The following PLAAT3 variants were observed in gnomAD, a reference collection of about 807,000 sequenced individuals.
PLAAT3 encodes the protein Ca-independent phospholipase A1/2.
In PLAAT3, 21 loss-of-function variants were observed where a neutral mutation model predicts 16.7. The observed-to-expected ratio is 1.26, with a 90% CI of 0.89 to 1.81. The LOEUF is 1.81. Among genes scored for constraint, PLAAT3 ranks in the 40% most tolerant of loss-of-function variants. The probability of loss-of-function intolerance (pLI) is 0.00; values close to 1 mark genes in which losing one functional copy is unlikely to be tolerated. For synonymous variants in PLAAT3, 76 were observed against 81.7 expected, an observed-to-expected ratio of 0.93 and a Z score of 0.38; for missense variants, 219 against 213.7, an observed-to-expected ratio of 1.02 and a Z score of -0.16.
intron 2 of PLAAT3, among the ~76,000 whole-genome samples, chr11:63,599,504 G>GTCGAAGGCGGT (rs1245922418): frequency 1.3e-5 from 2 of 152,204 alleles, no homozygotes; most frequent in Non-Finnish European, 2.9e-5. Context: ...ATGAAGGCGG[G>GTCGAAGGCGGT]TCAAAGGCCA....
chr11:63,615,328 A>G (rs1172045366), upstream of PLAAT3, among the ~76,000 whole-genome samples: 8 of 11,548 alleles, frequency 6.9e-4, 3 homozygotes, highest in African/African-American at 8.6e-4. Flanking sequence ...ATATGTGTGT[A>G]TATATGTGTG....
chr11:63,611,711 A>T (rs1565258143), intron 2 of PLAAT3, among the ~76,000 whole-genome samples: 1 of 152,344 alleles, frequency 6.6e-6, no homozygotes, highest in East Asian at 1.9e-4. Context: ...TAAAAGAATG[A>T]TGTTTGAAAG....
intron 3 of PLAAT3, among the ~76,000 whole-genome samples, chr11:63,593,029 G>T (rs1938190782): frequency 6.6e-6 from 1 of 152,102 alleles, no homozygotes; most frequent in Admixed American, 6.6e-5. Flanking sequence ...CCGGGTGCTT[G>T]TCATGCCTTC....
intron 2 of PLAAT3, among the ~76,000 whole-genome samples, chr11:63,613,238 C>T (rs945945454): frequency 7.9e-5 from 12 of 151,934 alleles, no homozygotes; most frequent in Non-Finnish European, 1.6e-4. Context: ...GGTGAAACCC[C>T]GTCTCCACTA....
intron 4 of PLAAT3, 151 bp from the exon 5 acceptor site, chr11:63,575,197 G>A (rs1555041560): frequency 5.0e-6 from 3 of 597,244 alleles, no homozygotes; most frequent in Non-Finnish European, 6.0e-6. Flanking sequence ...TAGGGAAGAG[G>A]GGAGGAGAGG....
intron 2 of PLAAT3, among the ~76,000 whole-genome samples, chr11:63,611,020 C>T (rs892490345): frequency 2.0e-5 from 3 of 152,110 alleles, no homozygotes; most frequent in Admixed American, 2.0e-4. Flanking sequence ...CAAAAGCCCA[C>T]AGTGGGGAGG....
chr11:63,601,977 T>G (rs1389553747), intron 2 of PLAAT3, among the ~76,000 whole-genome samples: 3 of 34,058 alleles, frequency 8.8e-5, no homozygotes, highest in Admixed American at 4.3e-4. Context: ...CGAAACTCTG[T>G]CTCAAAAAAA....
At chr11:63,598,563 A>G in intron 2 of PLAAT3, 1 of 372,696 alleles carries the variant, frequency 2.7e-6, no homozygotes, top group Non-Finnish European at 5.4e-6. Context: ...GAGGAAATCA[A>G]GGCCTAGAAA....
At chr11:63,615,172 G>GTATATATATGTGTGTATATGTGTA (rs1407082578), upstream of PLAAT3, among the ~76,000 whole-genome samples, 1 of 18,314 alleles carries the variant, frequency 5.5e-5, no homozygotes, top group African/African-American at 1.3e-4. Flanking sequence ...ATATATGTGT[G>GTATATATATGTGTGTATATGTGTA]TATATGTGTG....
chr11:63,612,947 G>A (rs1239056823), intron 2 of PLAAT3, among the ~76,000 whole-genome samples: 2 of 152,202 alleles, frequency 1.3e-5, no homozygotes, highest in East Asian at 3.8e-4. Flanking sequence ...GATAGAGAAT[G>A]ATATTAAAAA....
At chr11:63,577,642 GA>G (rs1199556842) in intron 4 of PLAAT3, among the ~76,000 whole-genome samples, 3 of 152,108 alleles carry the variant, frequency 2.0e-5, no homozygotes, top group Non-Finnish European at 4.4e-5. Context: ...TTTTGGCTAA[GA>G]TCAAGTATAA....
chr11:63,610,608 T>C (rs1938668805), intron 2 of PLAAT3, among the ~76,000 whole-genome samples: 1 of 152,076 alleles, frequency 6.6e-6, no homozygotes, highest in Non-Finnish European at 1.5e-5. Context: ...CTTCTCTTCT[T>C]CTCTCCCCTC....
At position 63,595,292 on chromosome 11, in the gene PLAAT3, GAA is replaced by G. The variant is rs59751911; in HGVS notation, c.118+2767_118+2768del. 4.3e-3 allele frequency among the ~76,000 whole-genome samples: 382 copies of G among 88,384 alleles called. 1 individual carries two copies. The highest frequency in any genetic ancestry group is 0.018 in the African/African-American group (348 of 19,588). The allele number at this position is 88,384 out of a possible 152,430, so 58.0% of individuals were successfully genotyped here. On this transcript the variant is annotated intron_variant, in intron 3 of 4. Transcript: ENST00000415826. ...GGCCACAGAGCAAGACTCCGTCTCG[GAA>G]AAAAAAAAAAAAAAAAAAGAGTGTC... is the stretch of plus-strand genomic sequence containing the variant.
intron 2 of PLAAT3, 89 bp downstream of exon 2, chr11:63,613,911 C>A: frequency 1.2e-6 from 1 of 828,180 alleles, no homozygotes; most frequent in Non-Finnish European, 2.0e-6. Context: ...GCTCCTCTCT[C>A]GGAAGCAGTA....
At chr11:63,606,210 C>T (rs1447583667) in intron 2 of PLAAT3, among the ~76,000 whole-genome samples, 1 of 152,116 alleles carries the variant, frequency 6.6e-6, no homozygotes, top group African/African-American at 2.4e-5. Flanking sequence ...GCTGTGCGCC[C>T]GGCACCAATC....
chr11:63,580,687 T>C (rs1247678086), intron 4 of PLAAT3, among the ~76,000 whole-genome samples: 1 of 152,032 alleles, frequency 6.6e-6, no homozygotes, highest in Non-Finnish European at 1.5e-5. Context: ...GAAATTATCC[T>C]AGATTATTCA....
intron 3 of PLAAT3, among the ~76,000 whole-genome samples, chr11:63,590,683 T>C (rs1437541106): frequency 1.3e-5 from 2 of 152,202 alleles, no homozygotes; most frequent in Admixed American, 1.3e-4. Flanking sequence ...GCCAAGAGCA[T>C]ACTCATCCAC....
chr11:63,600,912 T>C (rs1938410759), intron 2 of PLAAT3, among the ~76,000 whole-genome samples: 2 of 151,996 alleles, frequency 1.3e-5, no homozygotes, highest in Admixed American at 6.6e-5. Context: ...CCTACTCTTC[T>C]ACATCCTGAA....
intron 3 of PLAAT3, among the ~76,000 whole-genome samples, chr11:63,594,712 T>C (rs1938240215): frequency 1.3e-5 from 2 of 152,074 alleles, no homozygotes; most frequent in Admixed American, 1.3e-4. Context: ...AAAGCTGTAA[T>C]GAGATCTGCT....
Sources: gnomAD v4.1 joint callset for allele counts (sites outside exome capture counted in the v4.1 genomes callset) on GRCh38, gnomAD v4.1.1 for gene constraint, MANE v1.5 for transcripts, NCBI Gene and HGNC (gene_info 2026-07-23, HGNC 2026-07-21) for gene names.